SP110: variants seen among roughly 807,000 people sequenced by gnomAD.
SP110 encodes interferon-induced protein 41, 30kD.
In SP110, 62 loss-of-function variants were observed where a neutral mutation model predicts 92.7. The ratio of observed to expected loss-of-function variants is 0.67; its 90% CI spans 0.55 to 0.83. The LOEUF is 0.83. SP110 is among the 40% of genes least tolerant of loss of function. The pLI is 0.00. For synonymous variants in SP110, 273 were observed against 305.3 expected, an observed-to-expected ratio of 0.89 and a Z score of 1.10; for missense variants, 793 against 863.9, an observed-to-expected ratio of 0.92 and a Z score of 1.03.
At chr2:230,198,859 A>G (rs574105933) in intron 10 of SP110, among the ~76,000 whole-genome samples, 22 of 152,248 alleles carry the variant, frequency 1.4e-4, no homozygotes, top group Admixed American at 7.2e-4. Context: ...CGGCCTCCCA[A>G]TAGCAAATTA....
At chr2:230,215,903 G>A (rs2045111138) in intron 2 of SP110, among the ~76,000 whole-genome samples, 1 of 152,194 alleles carries the variant, frequency 6.6e-6, no homozygotes, top group South Asian at 2.1e-4. Flanking sequence ...CATGAGATGA[G>A]TTGGCCAAGG....
At chr2:230,191,218 A>C (rs1255363001) in intron 10 of SP110, among the ~76,000 whole-genome samples, 1 of 152,214 alleles carries the variant, frequency 6.6e-6, no homozygotes, top group Non-Finnish European at 1.5e-5. Context: ...CCCTAACATC[A>C]CAATTAAAAG....
At chr2:230,190,651 T>C (rs1178529658) in intron 10 of SP110, among the ~76,000 whole-genome samples, 1 of 143,284 alleles carries the variant, frequency 7.0e-6, no homozygotes, top group Non-Finnish European at 1.5e-5. Flanking sequence ...TCTTGAATGA[T>C]ATTGCTTCAG....
At chr2:230,180,706 C>T (rs2042092746) in intron 12 of SP110, among the ~76,000 whole-genome samples, 1 of 152,104 alleles carries the variant, frequency 6.6e-6, no homozygotes, top group Non-Finnish European at 1.5e-5. Flanking sequence ...CGAGACTGCA[C>T]ATCATACAAG....
intron 9 of SP110, 132 bp from the exon 10 acceptor site, chr2:230,201,097 A>G: frequency 2.7e-6 from 2 of 752,848 alleles, no homozygotes; most frequent in Admixed American, 1.9e-5. Flanking sequence ...CTAACAATGC[A>G]TCTACCAAGA....
intron 8 of SP110, among the ~76,000 whole-genome samples, chr2:230,206,595 TTATATA>T (rs56817002): frequency 0.022 from 1,564 of 70,388 alleles, 42 homozygotes; most frequent in African/African-American, 0.037. Flanking sequence ...GGTCCAGATT[TTATATA>T]TATATATATA....
chr2:230,192,864 C>A (rs572560154), intron 10 of SP110, among the ~76,000 whole-genome samples: 16 of 152,168 alleles, frequency 1.1e-4, no homozygotes, highest in South Asian at 4.2e-4. Context: ...TCTATTAGGT[C>A]CATTTGTTCT....
chr2:230,178,365 C>G, intron 12 of SP110, 110 bp from the exon 13 acceptor site: 1 of 717,884 alleles, frequency 1.4e-6, no homozygotes, highest in East Asian at 2.7e-5. Context: ...GGAACGTTCT[C>G]TGGTTAGTTT....
chr2:230,214,942 C>T lies in SP110; in HGVS notation c.316+8G>A, dbSNP rs1394324993. 6 of 1,613,252 alleles carry T rather than the reference C, an allele frequency of 3.7e-6. No homozygotes were observed. Among genetic ancestry groups the T allele is most frequent in the Non-Finnish European group, 5.1e-6 (6 of 1,179,252 alleles). On this transcript the variant is annotated splice_region_variant and intron_variant, in intron 3 of 18. Coordinates refer to ENST00000258381, the MANE Select transcript of SP110 (RefSeq NM_080424.4). Reference sequence around the variant, plus strand: ...TAAATGCAAAAAGCACTTGAGAAATCTCATTACCACGTTTGAAGCTTCTGT... The same window carrying T: ...TAAATGCAAAAAGCACTTGAGAAATTTCATTACCACGTTTGAAGCTTCTGT...
chr2:230,170,251 TTTAC>T (rs966095454), intron 18 of SP110, among the ~76,000 whole-genome samples: 40 of 50,212 alleles, frequency 8.0e-4, no homozygotes, highest in African/African-American at 2.9e-3. Flanking sequence ...TTTTATGTTG[TTTAC>T]TTATTTATTT....
intron 18 of SP110, 125 bp downstream of exon 18, chr2:230,170,496 T>A: frequency 8.4e-7 from 1 of 1,188,650 alleles, no homozygotes; most frequent in Non-Finnish European, 1.2e-6. Flanking sequence ...TTTTTTTCTG[T>A]AATCCTTGTC....
chr2:230,181,168 C>G (rs1259917114), intron 12 of SP110, among the ~76,000 whole-genome samples: 1 of 152,198 alleles, frequency 6.6e-6, no homozygotes, highest in East Asian at 1.9e-4. Context: ...CTTAGTACAA[C>G]AATCTTCCAG....
intron 12 of SP110, among the ~76,000 whole-genome samples, chr2:230,180,290 T>C (rs2042072138): frequency 1.3e-5 from 2 of 151,878 alleles, no homozygotes. Context: ...GAATTCATAA[T>C]CCAGAAGACC....
chr2:230,222,610 G>A (rs1559192501), upstream of SP110, among the ~76,000 whole-genome samples: 1 of 151,636 alleles, frequency 6.6e-6, no homozygotes, highest in Non-Finnish European at 1.5e-5. Context: ...TGTGGTCCCC[G>A]CTATCAGGGA....
chr2:230,201,863 A>G (rs2043214901), intron 9 of SP110, among the ~76,000 whole-genome samples: 1 of 152,222 alleles, frequency 6.6e-6, no homozygotes, highest in Non-Finnish European at 1.5e-5. Context: ...ATATTTAAGA[A>G]ACTATCACTT....
At chr2:230,192,000 T>C (rs752278937) in intron 10 of SP110, among the ~76,000 whole-genome samples, 2 of 152,190 alleles carry the variant, frequency 1.3e-5, no homozygotes, top group African/African-American at 2.4e-5. Flanking sequence ...TCAATAAGCA[T>C]AATCCATCAC....
chr2:230,194,928 A>C (rs1314235751), intron 10 of SP110, among the ~76,000 whole-genome samples: 1 of 152,058 alleles, frequency 6.6e-6, no homozygotes. Context: ...CTAGGGGACA[A>C]GGTTGGGGCT....
chr2:230,167,455 T>A lies in SP110; in HGVS notation c.*1669A>T, dbSNP rs2106333526. 1 of 152,136 alleles carries A rather than the reference T, an allele frequency of 6.6e-6. No homozygotes were observed. The highest frequency in any genetic ancestry group is 1.5e-5 in the Non-Finnish European group (1 of 68,122). 9.4% of individuals were successfully genotyped at this position (152,136 alleles called of 1,614,324 possible). A position where few individuals can be genotyped will look rare whatever the true frequency, so the allele number is the denominator to read the frequency against. ...TCTGAACCTGATTTAGATAAGGAGG[T>A]CCTGGACTTTGTTCCAATGCTGCAG... On this transcript the variant is annotated 3_prime_UTR_variant, in exon 19 of 19. Coordinates refer to ENST00000258381, the MANE Select transcript of SP110 (RefSeq NM_080424.4).
intron 10 of SP110, among the ~76,000 whole-genome samples, chr2:230,198,264 C>T (rs1031702834): frequency 6.6e-6 from 1 of 152,162 alleles, no homozygotes; most frequent in East Asian, 1.9e-4. Flanking sequence ...CTCTTACATG[C>T]TGTGACCCAG....
Sources: gnomAD v4.1 joint callset for allele counts (sites outside exome capture counted in the v4.1 genomes callset) on GRCh38, gnomAD v4.1.1 for gene constraint, MANE v1.5 for transcripts, NCBI Gene and HGNC (gene_info 2026-07-23, HGNC 2026-07-21) for gene names.